Variants in POLR3B observed in about 807,000 individuals in gnomAD.
The protein encoded by POLR3B is DNA-directed RNA polymerase III subunit RPC2.
POLR3B carries 96 observed loss-of-function variants against 147.4 expected under a neutral mutation model. The ratio of observed to expected loss-of-function variants is 0.65; its 90% confidence interval spans 0.55 to 0.77. The LOEUF is 0.77. Among genes scored for constraint, POLR3B ranks in the 30% least tolerant of loss-of-function variants. POLR3B has a pLI of 0.00. For missense variants in POLR3B, 1,036 were observed against 1,413.5 expected (o/e 0.73, Z 4.28); for synonymous variants, 461 against 485.9 (o/e 0.95, Z 0.67).
chr12:106,415,487 G>T (rs2037289002), intron 12 of POLR3B, among the ~76,000 whole-genome samples: 1 of 152,108 alleles, frequency 6.6e-6, no homozygotes, highest in East Asian at 1.9e-4. Flanking sequence ...TAAAGATATG[G>T]TAACTTAGGG....
At chr12:106,403,523 C>T (rs953189696) in intron 10 of POLR3B, among the ~76,000 whole-genome samples, 8 of 151,896 alleles carry the variant, frequency 5.3e-5, no homozygotes, top group Non-Finnish European at 8.8e-5. Context: ...ATGTTTACTG[C>T]GGCACTATTC....
intron 21 of POLR3B, among the ~76,000 whole-genome samples, chr12:106,458,985 T>C (rs1197955636): frequency 6.6e-6 from 1 of 152,166 alleles, no homozygotes; most frequent in Admixed American, 6.5e-5. Context: ...CATGTTCATG[T>C]AGTACTCTGA....
At position 106,501,421 on chromosome 12, in the gene POLR3B, G is replaced by A. The variant is rs758183544; in HGVS notation, c.3083G>A (p.Arg1028Gln). 14 of 1,605,072 alleles carry A rather than the reference G, an allele frequency of 8.7e-6. No homozygotes were observed. Among genetic ancestry groups the A allele is most frequent in the East Asian group, 2.2e-5 (1 of 44,834 alleles). ...ATGCATGCCCGGGCCCGGGGCCCAC[G>A]AGCCGTCCTTACCAGGTAAGAGAAA... is the stretch of plus-strand genomic sequence containing the variant. Reference protein sequence around the residue: ...DKMHARARGPRAVLTRQPTEG... With the variant: ...DKMHARARGPQAVLTRQPTEG... Residue 1028 changes from arginine (R) to glutamine (Q), a missense_variant, in exon 26 of 28, where the codon CGA becomes CAA. This residue lies in a region of POLR3B where 18 missense variants were observed against 73.4 expected (regional missense o/e 0.25). Coordinates refer to ENST00000228347, the MANE Select transcript of POLR3B (RefSeq NM_018082.6).
rs2037452909 is a variant in POLR3B at position 106,427,300 on chromosome 12, T to C, written c.1205T>C (p.Val402Ala). Reference protein sequence around the residue: ...IPKQRAAQFDVVKHMRQDQIT... With the variant: ...IPKQRAAQFDAVKHMRQDQIT... Reference sequence around the variant, plus strand: ...AAGCAAAGAGCAGCCCAGTTTGATGTTGTCAAACACATGCGCCAAGACCAG... The same window carrying C: ...AAGCAAAGAGCAGCCCAGTTTGATGCTGTCAAACACATGCGCCAAGACCAG... The change falls in exon 13 of 28, where the codon GTT becomes GCT. Residue 402 changes from valine to alanine, a missense_variant. Val to Ala is a moderately conservative substitution (Grantham distance 64). This residue lies in a region of POLR3B where 89 missense variants were observed against 110.9 expected (regional missense o/e 0.80). Coordinates refer to ENST00000228347, the MANE Select transcript of POLR3B (RefSeq NM_018082.6). 2 of 1,613,220 alleles carry C rather than the reference T, an allele frequency of 1.2e-6. No individual in the cohort carries two copies. The highest frequency in any genetic ancestry group is 1.7e-5 in the Admixed American group (1 of 59,972).
intron 23 of POLR3B, among the ~76,000 whole-genome samples, chr12:106,483,291 A>C (rs1217934735): frequency 6.6e-6 from 1 of 152,138 alleles, no homozygotes; most frequent in Non-Finnish European, 1.5e-5. Flanking sequence ...ATACATGCCC[A>C]CCCACGTCCA....
In POLR3B at chr12:106,446,836, A is replaced by C. The variant is rs2037732075; in HGVS notation, c.2083+2246A>C. Among the ~76,000 whole-genome samples the C allele has an allele frequency of 2.0e-5, 3 of 152,248 alleles. No homozygotes were observed. The South Asian group carries it at 6.2e-4, about 31-fold the overall frequency. On this transcript the variant is annotated intron_variant, in intron 19 of 27. Transcript: ENST00000228347. ...ATAAAAGTACATTTAGAGTTGGCAT[A>C]TAATGCAGCAGCATTTCTCTGTGGA... is the stretch of plus-strand genomic sequence containing the variant.
chr12:106,472,310 C>A (rs1489913367), intron 23 of POLR3B, among the ~76,000 whole-genome samples: 1 of 151,816 alleles, frequency 6.6e-6, no homozygotes, highest in African/African-American at 2.4e-5. Context: ...GTAAATAGTG[C>A]CACAATAAAC....
At chr12:106,403,697 A>G (rs1438242704) in intron 10 of POLR3B, among the ~76,000 whole-genome samples, 4 of 151,812 alleles carry the variant, frequency 2.6e-5, no homozygotes. Context: ...ATTCTCAGCA[A>G]ACTATCGCAA....
chr12:106,493,429 T>C (rs899738716), intron 23 of POLR3B, among the ~76,000 whole-genome samples: 2 of 152,224 alleles, frequency 1.3e-5, no homozygotes, highest in Non-Finnish European at 2.9e-5. Flanking sequence ...GGTTCTAAGA[T>C]TGAGAACTCT....
At chr12:106,480,042 T>C (rs2038244941) in intron 23 of POLR3B, among the ~76,000 whole-genome samples, 1 of 151,246 alleles carries the variant, frequency 6.6e-6, no homozygotes, top group Non-Finnish European at 1.5e-5. Flanking sequence ...TTGTAGAGAC[T>C]AGGTATTGCC....
intron 18 of POLR3B, 128 bp downstream of exon 18, chr12:106,437,907 C>A (rs1362470249): frequency 1.5e-6 from 1 of 686,242 alleles, no homozygotes; most frequent in East Asian, 2.7e-5. Context: ...AATATACAAT[C>A]TTCTTTTTTT....
In POLR3B at chr12:106,409,346, G is replaced by GTTTTTTTTT. The variant is rs138257827; in HGVS notation, c.967-1472_967-1471insTTTTTTTTT. ...TAACTGGTGTTACGATTGTAAGAGG[G>GTTTTTTTTT]TTTTTTTTGTTTTTTTTTTTTTTTT... is the stretch of plus-strand genomic sequence containing the variant. On this transcript the variant is annotated intron_variant, in intron 11 of 27. Transcript: ENST00000228347. Among the ~76,000 whole-genome samples, 7 of 67,474 alleles carry GTTTTTTTTT rather than the reference G, an allele frequency of 1.0e-4. 2 individuals carry two copies. The highest frequency in any genetic ancestry group is 6.0e-4 in the South Asian group (1 of 1,676). 44.3% of individuals were successfully genotyped at this position (67,474 alleles called of 152,430 possible).
rs2037708885 is a variant in POLR3B at position 106,445,436 on chromosome 12, T to A, written c.2083+846T>A. 2.6e-5 allele frequency among the ~76,000 whole-genome samples: 4 copies of A among 152,144 alleles called. No homozygotes were observed. The South Asian group carries it at 8.3e-4, about 32-fold the overall frequency. On this transcript the variant is annotated intron_variant, in intron 19 of 27. Coordinates refer to ENST00000228347, the MANE Select transcript of POLR3B (RefSeq NM_018082.6). ...GGAAGACTGAGTATTTTTGAAGGTATGAAAGTGTGAACAAGTATGGCATAA... is the reference window on the plus strand; with the variant it reads ...GGAAGACTGAGTATTTTTGAAGGTAAGAAAGTGTGAACAAGTATGGCATAA...
intron 5 of POLR3B, 90 bp from the exon 6 acceptor site, chr12:106,369,493 A>G (rs981986031): frequency 2.0e-6 from 2 of 988,674 alleles, no homozygotes; most frequent in East Asian, 2.4e-5. Flanking sequence ...AATGTGGACC[A>G]TAATTCTACT....
chr12:106,392,981 G>A, intron 9 of POLR3B, 50 bp from the exon 10 acceptor site: 1 of 1,611,254 alleles, frequency 6.2e-7, no homozygotes, highest in Non-Finnish European at 8.5e-7. Context: ...GCAAATGTCA[G>A]TGAGTTAACA....
intron 4 of POLR3B, among the ~76,000 whole-genome samples, chr12:106,368,012 T>A (rs2036555887): frequency 6.6e-6 from 1 of 152,182 alleles, no homozygotes; most frequent in Non-Finnish European, 1.5e-5. Flanking sequence ...TTAATTTATA[T>A]CAATTTGGAC....
rs1443987294 is a variant in POLR3B, at chr12:106,403,119, A to C, written c.847-2738A>C. 1.8e-3 allele frequency among the ~76,000 whole-genome samples: 275 copies of C among 151,932 alleles called. 6 individuals are homozygous for C. The East Asian group carries it at 0.046, about 25-fold the overall frequency. ...AACTCAAACAAATTTACAAGAAAAA[A>C]ACAAACAACCCCATCAAAAAGTGGG... is the stretch of plus-strand genomic sequence containing the variant. On this transcript the variant is annotated intron_variant, in intron 10 of 27. Transcript: ENST00000228347.
chr12:106,457,905 A>T (rs906568891), intron 21 of POLR3B, among the ~76,000 whole-genome samples: 2 of 152,188 alleles, frequency 1.3e-5, no homozygotes, highest in African/African-American at 4.8e-5. Flanking sequence ...GGAAGAGTTA[A>T]CTAAAGAAGA....
At chr12:106,418,584 T>G (rs2037335856) in intron 12 of POLR3B, among the ~76,000 whole-genome samples, 1 of 152,248 alleles carries the variant, frequency 6.6e-6, no homozygotes, top group Admixed American at 6.5e-5. Context: ...TTAACTTCTT[T>G]ATTAATTTTT....
Sources: gnomAD v4.1 joint callset for allele counts (sites outside exome capture counted in the v4.1 genomes callset) on GRCh38, gnomAD v4.1.1 for gene constraint, gnomAD v4.1.1 regional missense constraint, MANE v1.5 for transcripts, NCBI Gene and HGNC (gene_info 2026-07-23, HGNC 2026-07-21) for gene names.